KIF23: variants seen among roughly 807,000 people sequenced by gnomAD.
The protein encoded by KIF23 is kinesin family member 23.
KIF23 carries 30 observed loss-of-function variants against 137.5 expected under a neutral mutation model. The ratio of observed to expected loss-of-function variants is 0.22; its 90% CI spans 0.16 to 0.30. The LOEUF is 0.30. KIF23 is among the 10% of genes least tolerant of loss of function. The probability of loss-of-function intolerance (pLI) is 1.00; values close to 1 mark genes in which losing one functional copy is unlikely to be tolerated. For missense variants in KIF23, 920 were observed against 1,194.3 expected (o/e 0.77, Z 3.38); for synonymous variants, 367 against 391.1 (o/e 0.94, Z 0.73).
At chr15:69,416,906 G>GTCA (rs1383325717) in intron 2 of KIF23, among the ~76,000 whole-genome samples, 1 of 152,184 alleles carries the variant, frequency 6.6e-6, no homozygotes, top group East Asian at 1.9e-4. Context: ...CTGAGATCAT[G>GTCA]CCATTGCACT....
At chr15:69,429,587 A>G (rs75782073) in intron 11 of KIF23, among the ~76,000 whole-genome samples, 1 of 152,158 alleles carries the variant, frequency 6.6e-6, no homozygotes, top group Non-Finnish European at 1.5e-5. Context: ...GATTACAGGA[A>G]TGAGCCACTG....
chr15:69,425,303 C>T lies in KIF23; in HGVS notation c.756C>T (p.Pro252=). Residue 252 remains proline, a synonymous_variant, in exon 8 of 24, where the codon CCC becomes CCT. Transcript: ENST00000679126. ...GTAGGTGGAACAGTTGCAGCACACC[C>T]ATGAGGAACACAGATTTTGTGTATG... ...IKPKWNSCST[P]MRNTDFVPPQ... is the part of the protein sequence containing the mutation. 1 of 1,535,946 alleles carries T rather than the reference C, an allele frequency of 6.5e-7. No individual in the cohort carries two copies. Among genetic ancestry groups the T allele is most frequent in the Non-Finnish European group, 8.7e-7 (1 of 1,146,818 alleles).
In KIF23 at chr15:69,426,169, A is replaced by C; in HGVS notation, c.876A>C (p.Glu292Asp). The change falls in exon 9 of 24, where the codon GAA becomes GAC. Residue 292 changes from glutamate (E) to aspartate (D), a missense_variant. Glu to Asp is a conservative substitution (Grantham distance 45). Coordinates refer to ENST00000679126, the MANE Select transcript of KIF23 (RefSeq NM_001367805.3). ...VEVKSTEEAF[E>D]VFWRGQKKRR... ...TGAAATCTACTGAGGAGGCTTTTGA[A>C]GTTTTCTGGAGAGGTTAGAAACACC... The C allele has an allele frequency of 6.2e-7, 1 of 1,606,926 alleles. No individual in the cohort carries two copies. The highest frequency in any genetic ancestry group is 2.2e-5 in the East Asian group (1 of 44,846).
At position 69,444,667 on chromosome 15, in the gene KIF23, A is replaced by T; in HGVS notation, c.2422-123A>T. On this transcript the variant is annotated intron_variant, in intron 19 of 23. Transcript: ENST00000679126. This position sits in a 1 kb window ranked among gnomAD's most constrained non-coding sequence, Gnocchi z 4.2. ...TAAATGCAAAGATCATGTTTAAATTACTTGAATAAAATATTTAGCTTTGGA... is the reference window on the plus strand; with the variant it reads ...TAAATGCAAAGATCATGTTTAAATTTCTTGAATAAAATATTTAGCTTTGGA... 2.1e-6 allele frequency: 2 copies of T among 934,974 alleles called. No individual in the cohort carries two copies. Among genetic ancestry groups the T allele is most frequent in the Non-Finnish European group, 3.1e-6 (2 of 640,468 alleles). 57.9% of individuals were successfully genotyped at this position (934,974 alleles called of 1,614,324 possible). A position where few individuals can be genotyped will look rare whatever the true frequency, so the allele number is the denominator to read the frequency against.
intron 4 of KIF23, 59 bp from the exon 5 acceptor site, chr15:69,421,933 G>T: frequency 6.3e-7 from 1 of 1,586,084 alleles, no homozygotes. Flanking sequence ...ATGCAGTGAA[G>T]AAATACTCTA....
chr15:69,446,040 A>G lies in KIF23; in HGVS notation c.2705A>G (p.Gln902Arg), dbSNP rs1221361183. 1 of 1,613,882 alleles carries G rather than the reference A, an allele frequency of 6.2e-7. No individual in the cohort carries two copies. The highest frequency in any genetic ancestry group is 8.5e-7 in the Non-Finnish European group (1 of 1,179,838). ...ATTTATAAAACAAGGGGTGGTGGAC[A>G]ATCTGTTCAGTTTACTGATATTGAG... is the stretch of plus-strand genomic sequence containing the variant. ...GDIYKTRGGGQSVQFTDIETL... is the reference protein window; with the variant it reads ...GDIYKTRGGGRSVQFTDIETL... The change falls in exon 21 of 24, where the codon CAA becomes CGA. Residue 902 changes from glutamine to arginine, a missense_variant. This residue lies in a region of KIF23 where 75 missense variants were observed against 177.9 expected (regional missense o/e 0.42). Coordinates refer to ENST00000679126, the MANE Select transcript of KIF23 (RefSeq NM_001367805.3).
chr15:69,439,410 A>G (rs1195775255), intron 16 of KIF23, among the ~76,000 whole-genome samples: 6 of 151,968 alleles, frequency 3.9e-5, no homozygotes, highest in African/African-American at 1.5e-4. Flanking sequence ...GCTTAATTGG[A>G]TCTGTATTTG....
intron 1 of KIF23, chr15:69,414,756 C>T (rs893012126): frequency 8.1e-6 from 3 of 370,430 alleles, no homozygotes; most frequent in African/African-American, 2.1e-5. Flanking sequence ...TGTTTTACGC[C>T]GCACCCGGTT....
In KIF23 at chr15:69,423,236, G is replaced by C; in HGVS notation, c.641G>C (p.Ser214Thr). The change falls in exon 7 of 24, where the codon AGT becomes ACT. Residue 214 changes from serine to threonine, a missense_variant. Physicochemically the swap from Ser to Thr is moderately conservative, Grantham distance 58. This residue lies in a region of KIF23 where 714 missense variants were observed against 866.2 expected (regional missense o/e 0.82). Coordinates refer to ENST00000679126, the MANE Select transcript of KIF23 (RefSeq NM_001367805.3). ...AAAGCAGAAGAGGTTGATGAAGATAGTGTCTATGGTGTATTTGTCTCTTAT... is the reference window on the plus strand; with the variant it reads ...AAAGCAGAAGAGGTTGATGAAGATACTGTCTATGGTGTATTTGTCTCTTAT... ...FCKAEEVDED[S>T]VYGVFVSYIE... 2 of 1,589,120 alleles carry C rather than the reference G, an allele frequency of 1.3e-6. No individual in the cohort carries two copies. The highest frequency in any genetic ancestry group is 8.6e-7 in the Non-Finnish European group (1 of 1,160,384).
Position 69,435,892 on chromosome 15 carries a change from G to A in KIF23, c.1314+121G>A, listed in dbSNP as rs1040872590. On this transcript the variant is annotated intron_variant, in intron 13 of 23. Transcript: ENST00000679126. ...GGATAGAGAACCATTGATTGTAGAA[G>A]TAAACTAGGCTTGGTGTGGTGGCTT... 2.9e-6 allele frequency: 4 copies of A among 1,361,354 alleles called. 1 individual carries two copies. The highest frequency in any genetic ancestry group is 4.4e-5 in the Admixed American group (2 of 45,018). 84.3% of individuals were successfully genotyped at this position (1,361,354 alleles called of 1,614,324 possible).
chr15:69,434,154 C>T (rs1038427501), intron 11 of KIF23, among the ~76,000 whole-genome samples: 1 of 152,206 alleles, frequency 6.6e-6, no homozygotes, highest in African/African-American at 2.4e-5. Flanking sequence ...AAGTCTTGAA[C>T]GACTGATCAT....
intron 8 of KIF23, chr15:69,425,833 A>C: frequency 5.9e-6 from 1 of 170,168 alleles, no homozygotes; most frequent in East Asian, 1.5e-4. Flanking sequence ...AAGCTTTTAA[A>C]ACAAAATTGG....
intron 9 of KIF23, 74 bp downstream of exon 9, chr15:69,426,256 A>G (rs1313444294): frequency 7.5e-6 from 12 of 1,592,802 alleles, no homozygotes; most frequent in Non-Finnish European, 1.0e-5. Flanking sequence ...TTTGATGGCA[A>G]TTTTTTTTGA....
At chr15:69,418,852 C>G (rs888029962) in intron 3 of KIF23, among the ~76,000 whole-genome samples, 3 of 152,192 alleles carry the variant, frequency 2.0e-5, no homozygotes, top group African/African-American at 7.2e-5. Flanking sequence ...GATGGAGGCT[C>G]ATGCCTGCAG....
chr15:69,430,274 T>G lies in KIF23; in HGVS notation c.1114+1061T>G, dbSNP rs543203413. On this transcript the variant is annotated intron_variant, in intron 11 of 23. Coordinates refer to ENST00000679126, the MANE Select transcript of KIF23 (RefSeq NM_001367805.3). ...ATATATCATAGTTGTACGTACTTTT[T>G]GGGTATATGTTATATTTTGATAGAT... Among the ~76,000 whole-genome samples the G allele has an allele frequency of 3.5e-4, 53 of 152,342 alleles. 3 individuals carry two copies. The South Asian group carries it at 0.01, about 29-fold the overall frequency.
At chr15:69,420,152 T>C (rs910814967) in intron 3 of KIF23, among the ~76,000 whole-genome samples, 3 of 152,184 alleles carry the variant, frequency 2.0e-5, no homozygotes, top group Non-Finnish European at 1.5e-5. Flanking sequence ...TAATCACAGC[T>C]ACTCGGGAGG....
chr15:69,436,080 A>G lies in KIF23; in HGVS notation c.1315-58A>G, dbSNP rs1230875652. On this transcript the variant is annotated intron_variant, in intron 13 of 23. Coordinates refer to ENST00000679126, the MANE Select transcript of KIF23 (RefSeq NM_001367805.3). ...TAAGCAATCTTTGCTTCATTTAGTAATTTCTGGGACTTGGATATCCTTATT... is the reference window on the plus strand; with the variant it reads ...TAAGCAATCTTTGCTTCATTTAGTAGTTTCTGGGACTTGGATATCCTTATT... 2.5e-6 allele frequency: 4 copies of G among 1,584,976 alleles called. No individual in the cohort carries two copies. In the East Asian group the frequency reaches 6.7e-5, roughly 27 times the overall value.
intron 18 of KIF23, 48 bp from the exon 19 acceptor site, chr15:69,440,720 C>T: frequency 1.4e-6 from 2 of 1,448,056 alleles, no homozygotes; most frequent in East Asian, 4.6e-5. Context: ...TGAATTGTTT[C>T]TCTCAGTTTT....
At chr15:69,418,723 C>A (rs1289347142) in intron 3 of KIF23, among the ~76,000 whole-genome samples, 2 of 152,224 alleles carry the variant, frequency 1.3e-5, no homozygotes, top group African/African-American at 4.8e-5. Context: ...GACTTTTGTA[C>A]AACTTGTGCT....
Sources: gnomAD v4.1 joint callset for allele counts (sites outside exome capture counted in the v4.1 genomes callset) on GRCh38, gnomAD v4.1.1 for gene constraint, gnomAD v4.1.1 regional missense constraint, Gnocchi (gnomAD v3.1) non-coding constraint, MANE v1.5 for transcripts, NCBI Gene and HGNC (gene_info 2026-07-23, HGNC 2026-07-21) for gene names.